Variants in FHDC1 observed in about 807,000 individuals in gnomAD.
FHDC1 encodes FH2 domain containing 1, also known as FH2 domain-containing protein 1.
FHDC1 carries 25 observed loss-of-function variants against 52.6 expected under a neutral mutation model. The ratio of observed to expected loss-of-function variants is 0.48; its 90% CI spans 0.35 to 0.66. The LOEUF (loss-of-function observed/expected upper bound fraction) is 0.66. Among genes scored for constraint, FHDC1 ranks in the 30% least tolerant of loss-of-function variants. The pLI is 0.01. For missense variants in FHDC1, 1,459 were observed against 1,452.8 expected, an observed-to-expected ratio of 1.00 and a Z score of -0.07; for synonymous variants, 616 against 581.5, an observed-to-expected ratio of 1.06 and a Z score of -0.85.
intron 2 of FHDC1, among the ~76,000 whole-genome samples, chr4:152,949,167 A>AAGAAGAAGC (rs1739847144): frequency 1.4e-5 from 2 of 146,566 alleles, no homozygotes; most frequent in Non-Finnish European, 3.0e-5. Context: ...GAAGAAGAAG[A>AAGAAGAAGC]AGAAGCAGAA....
chr4:152,961,894 T>C (rs1293883231), intron 6 of FHDC1, among the ~76,000 whole-genome samples: 2 of 152,194 alleles, frequency 1.3e-5, no homozygotes, highest in Non-Finnish European at 2.9e-5. Context: ...GAAGAATGTG[T>C]TTTTATATTG....
Position 152,976,469 on chromosome 4 carries a change from A to G in FHDC1, c.3178A>G (p.Ile1060Val). 6.2e-7 allele frequency: 1 copy of G among 1,613,618 alleles called. No individual in the cohort carries two copies. Among genetic ancestry groups the G allele is most frequent in the Non-Finnish European group, 8.5e-7 (1 of 1,180,030 alleles). Residue 1060 changes from isoleucine (I) to valine (V), a missense_variant, in exon 12 of 12, where the codon ATC becomes GTC. Coordinates refer to ENST00000511601, the MANE Select transcript of FHDC1 (RefSeq NM_001371116.1). ...DLPPVAKAPG[I>V]TRTVSQRQLR... ...TCCTCCCGTGGCCAAAGCCCCCGGC[A>G]TCACTCGGACAGTGTCGCAGCGGCA...
chr4:152,947,233 A>G (rs1739762585), intron 2 of FHDC1, among the ~76,000 whole-genome samples: 3 of 151,718 alleles, frequency 2.0e-5, no homozygotes, highest in African/African-American at 4.8e-5. Context: ...AAAAAAAAAG[A>G]AAAAAAGACA....
the FHDC1 span, chr4:152,927,588 T>A: frequency 6.2e-7 from 1 of 1,603,554 alleles, no homozygotes. Context: ...CCAGAGGAGG[T>A]TTATGACCCT....
At chr4:152,940,769 T>C (rs1739552744) in intron 1 of FHDC1, among the ~76,000 whole-genome samples, 1 of 152,242 alleles carries the variant, frequency 6.6e-6, no homozygotes, top group South Asian at 2.1e-4. Context: ...AGATATTTTA[T>C]GTACAGAAGT....
Position 152,976,738 on chromosome 4 carries a change from C to G in FHDC1, c.*15C>G. 1 of 1,456,940 alleles carries G rather than the reference C, an allele frequency of 6.9e-7. No homozygotes were observed. Among genetic ancestry groups the G allele is most frequent in the Admixed American group, 2.8e-5 (1 of 36,178 alleles). 90.3% of individuals were successfully genotyped at this position (1,456,940 alleles called of 1,614,324 possible). ...TACGGAAGTGATGGGTGCCTGTCCTCTCCTGCCTCCTGGGATTCAGACGGT... is the reference window on the plus strand; with the variant it reads ...TACGGAAGTGATGGGTGCCTGTCCTGTCCTGCCTCCTGGGATTCAGACGGT... On this transcript the variant is annotated 3_prime_UTR_variant, in exon 12 of 12. Coordinates refer to ENST00000511601, the MANE Select transcript of FHDC1 (RefSeq NM_001371116.1).
Position 152,976,169 on chromosome 4 carries a change from G to T in FHDC1, c.2878G>T (p.Gly960Trp). Residue 960 changes from glycine (G) to tryptophan (W), a missense_variant, in exon 12 of 12, where the codon GGG (glycine) becomes TGG (tryptophan). Around this residue, in one of 3 missense-constraint regions of FHDC1, gnomAD observed 939 missense variants for 854.5 expected, o/e 1.10. Coordinates refer to ENST00000511601, the MANE Select transcript of FHDC1 (RefSeq NM_001371116.1). Reference sequence around the variant, plus strand: ...CGCCGAAGAGCAGAGGCTGCCGCGGGGGAGCAGCGGCTCCAGCAGCACCCG... The same window carrying T: ...CGCCGAAGAGCAGAGGCTGCCGCGGTGGAGCAGCGGCTCCAGCAGCACCCG... ...TGAEEQRLPRGSSGSSSTRPG... is the reference protein window; with the variant it reads ...TGAEEQRLPRWSSGSSSTRPG... 1.9e-6 allele frequency: 3 copies of T among 1,612,160 alleles called. No homozygotes were observed. The highest frequency in any genetic ancestry group is 2.5e-6 in the Non-Finnish European group (3 of 1,179,586).
intron 6 of FHDC1, 101 bp downstream of exon 6, chr4:152,960,945 T>A: frequency 2.6e-6 from 2 of 763,700 alleles, no homozygotes; most frequent in Non-Finnish European, 4.1e-6. Flanking sequence ...GTCCTGAATT[T>A]CTGATATACC....
Position 152,975,481 on chromosome 4 carries a change from T to C in FHDC1, c.2190T>C (p.Asp730=). 1 of 1,613,328 alleles carries C rather than the reference T, an allele frequency of 6.2e-7. No homozygotes were observed. Among genetic ancestry groups the C allele is most frequent in the South Asian group, 1.1e-5 (1 of 91,080 alleles). Reference sequence around the variant, plus strand: ...GCAGCCTGACACCCATGGGCAGAGATGCCCTGGGGAGTCTCAGCCCAGCGC... The same window carrying C: ...GCAGCCTGACACCCATGGGCAGAGACGCCCTGGGGAGTCTCAGCCCAGCGC... The part of the protein sequence containing the change: ...SSSSLTPMGR[D]ALGSLSPALE... The change falls in exon 12 of 12, where the codon GAT becomes GAC. Residue 730 remains aspartate (D), a synonymous_variant. Coordinates refer to ENST00000511601, the MANE Select transcript of FHDC1 (RefSeq NM_001371116.1).
At chr4:152,936,115 C>T (rs910569049), upstream of FHDC1, among the ~76,000 whole-genome samples, 3 of 152,238 alleles carry the variant, frequency 2.0e-5, no homozygotes, top group East Asian at 1.9e-4. Context: ...GCGTCTCCCC[C>T]GGGGCCCCGC....
the FHDC1 span, among the ~76,000 whole-genome samples, chr4:152,926,267 GACACACAC>G: frequency 2.3e-3 from 329 of 144,516 alleles, 5 homozygotes; most frequent in South Asian, 9.7e-3. Flanking sequence ...TTAAAATACA[GACACACAC>G]ACACACACAC....
chr4:152,926,525 A>G, the FHDC1 span, among the ~76,000 whole-genome samples: 1 of 151,430 alleles, frequency 6.6e-6, no homozygotes, highest in Non-Finnish European at 1.5e-5. Flanking sequence ...AACCTTAGTT[A>G]CCAAACTGCA....
chr4:152,974,417 G>T (rs988575652), intron 11 of FHDC1, among the ~76,000 whole-genome samples: 3 of 152,142 alleles, frequency 2.0e-5, no homozygotes, highest in Non-Finnish European at 4.4e-5. Context: ...AGATTGTTGG[G>T]CCAGGTCTAC....
chr4:152,974,857 G>A lies in FHDC1; in HGVS notation c.1566G>A (p.Arg522=). Residue 522 remains arginine (R), a synonymous_variant, in exon 12 of 12, where the codon AGG becomes AGA. Coordinates refer to ENST00000511601, the MANE Select transcript of FHDC1 (RefSeq NM_001371116.1). The part of the protein sequence containing the change: ...AEGLLPFLHP[R]PISPSSPSYR... ...GCCTGCTCCCTTTCCTGCACCCCAGGCCCATCAGCCCCTCCAGCCCCTCCT... is the reference window on the plus strand; with the variant it reads ...GCCTGCTCCCTTTCCTGCACCCCAGACCCATCAGCCCCTCCAGCCCCTCCT... 2 of 1,604,186 alleles carry A rather than the reference G, an allele frequency of 1.2e-6. No individual in the cohort carries two copies. The highest frequency in any genetic ancestry group is 2.1e-4 in the Middle Eastern group (1 of 4,656).
intron 8 of FHDC1, 22 bp from the exon 9 acceptor site, chr4:152,964,883 T>TA: frequency 6.3e-7 from 1 of 1,595,228 alleles, no homozygotes. Flanking sequence ...CATAGTGAGA[T>TA]AAAATTCTGT....
At chr4:152,949,090 G>GTAATAATAATAATAA (rs368429472) in intron 2 of FHDC1, among the ~76,000 whole-genome samples, 6 of 117,562 alleles carry the variant, frequency 5.1e-5, no homozygotes, top group South Asian at 3.0e-4. Flanking sequence ...CCTTGTCTCA[G>GTAATAATAATAATAA]TAATAATAAT....
In FHDC1 at chr4:152,949,480, TA is replaced by T. The variant is rs1297252637; in HGVS notation, c.499-4012del. 3.3e-5 allele frequency among the ~76,000 whole-genome samples: 5 copies of T among 152,184 alleles called. No individual in the cohort carries two copies. In the South Asian group the frequency reaches 1.0e-3, roughly 32 times the overall value. On this transcript the variant is annotated intron_variant, in intron 2 of 11. Coordinates refer to ENST00000511601, the MANE Select transcript of FHDC1 (RefSeq NM_001371116.1). ...AGGTGACAGAGCAAGACCCTGTCTCTAAAAAAATAAATAAATAAAAAGTTAT... is the reference window on the plus strand; with the variant it reads ...AGGTGACAGAGCAAGACCCTGTCTCTAAAAAATAAATAAATAAAAAGTTAT...
At chr4:152,949,448 C>T (rs1339634434) in intron 2 of FHDC1, among the ~76,000 whole-genome samples, 1 of 152,112 alleles carries the variant, frequency 6.6e-6, no homozygotes, top group Non-Finnish European at 1.5e-5. Context: ...CCACCGCACT[C>T]CAGCCTAGGT....
In FHDC1 at chr4:152,964,923, A is replaced by G. The variant is rs761757613; in HGVS notation, c.1048A>G (p.Thr350Ala). 4.3e-6 allele frequency: 7 copies of G among 1,612,510 alleles called. No individual in the cohort carries two copies. In the Admixed American group the frequency reaches 1.2e-4, roughly 27 times the overall value. ...GTTCCAGGAAGCCCAAAAGAAAGAT[A>G]CCATTCTTCTAAACTTTTCAGAAAA... The part of the protein sequence containing the change: ...FVAQEAQKKD[T>A]ILLNFSEKLH... Residue 350 changes from threonine (T) to alanine (A), a missense_variant, in exon 9 of 12, where the codon ACC becomes GCC. Thr to Ala is a moderately conservative substitution (Grantham distance 58). This residue lies in a region of FHDC1 where 513 missense variants were observed against 581.5 expected (regional missense o/e 0.88). Coordinates refer to ENST00000511601, the MANE Select transcript of FHDC1 (RefSeq NM_001371116.1).
Sources: gnomAD v4.1 joint callset for allele counts (sites outside exome capture counted in the v4.1 genomes callset) on GRCh38, gnomAD v4.1.1 for gene constraint, gnomAD v4.1.1 regional missense constraint, MANE v1.5 for transcripts, NCBI Gene and HGNC (gene_info 2026-07-23, HGNC 2026-07-21) for gene names.